WDR3: variants seen among roughly 807,000 people sequenced by gnomAD.
WDR3 encodes the protein WD repeat domain 3.
In WDR3, 81 loss-of-function variants were observed where a neutral mutation model predicts 123.7. The observed-to-expected ratio is 0.65, with a 90% confidence interval of 0.55 to 0.79. The LOEUF (loss-of-function observed/expected upper bound fraction) is 0.79. Ranked by LOEUF, WDR3 falls within the 30% of genes least tolerant of loss-of-function variation. The probability of loss-of-function intolerance (pLI) is 0.00; values close to 1 mark genes in which losing one functional copy is unlikely to be tolerated. For missense variants in WDR3, 1,027 were observed against 1,123.2 expected (o/e 0.91, Z 1.22); for synonymous variants, 390 against 388.8 (o/e 1.00, Z -0.04).
chr1:117,964,143 C>T lies in WDR3; in HGVS notation c.*4696C>T, dbSNP rs991182668. 15 of 486,828 alleles carry T rather than the reference C, an allele frequency of 3.1e-5. 1 individual carries two copies. The highest frequency in any genetic ancestry group is 4.4e-5 in the Non-Finnish European group (12 of 272,730). The allele number at this position is 486,828 out of a possible 1,614,324, so 30.2% of individuals were successfully genotyped here. The stretch of plus-strand genomic sequence containing the variant: ...ATGTCTAGAATGTCTTCTGTTCTCC[C>T]TAGTGTACATTTCTCTCCTAACTGT... On this transcript the variant is annotated 3_prime_UTR_variant, in exon 27 of 27. Coordinates refer to ENST00000349139, the MANE Select transcript of WDR3 (RefSeq NM_006784.3).
Position 117,960,109 on chromosome 1 carries a change from CGTGTGTGTGTGTGTGTGTGTGTGT to C in WDR3, c.*677_*700del, listed in dbSNP as rs3059173. ...TGGGCTTCTGAGGAATTAATACACT[CGTGTGTGTGTGTGTGTGTGTGTGT>C]GTGTGTGTGTGTGTATGTGTATGTG... On this transcript the variant is annotated 3_prime_UTR_variant, in exon 27 of 27. Transcript: ENST00000349139. 2 of 144,406 alleles carry C rather than the reference CGTGTGTGTGTGTGTGTGTGTGTGT, an allele frequency of 1.4e-5. No homozygotes were observed. The highest frequency in any genetic ancestry group is 2.6e-5 in the African/African-American group (1 of 37,902). The allele number at this position is 144,406 out of a possible 1,614,324, so 8.9% of individuals were successfully genotyped here.
At chr1:117,937,704 T>G (rs1224373710) in intron 4 of WDR3, among the ~76,000 whole-genome samples, 1 of 152,158 alleles carries the variant, frequency 6.6e-6, no homozygotes, top group Non-Finnish European at 1.5e-5. Flanking sequence ...TTTTGAGCGG[T>G]GTTTTTTTCC....
rs755845020 is a variant in WDR3, at chr1:117,943,610, A to G, written c.1312A>G (p.Ile438Val). The G allele has an allele frequency of 1.2e-6, 2 of 1,614,120 alleles. No individual in the cohort carries two copies. Among genetic ancestry groups the G allele is most frequent in the South Asian group, 1.1e-5 (1 of 91,082 alleles). ...TGTTCTTTCAGCTGCAGCTGATTCC[A>G]TTAAAATATGGAACAGGTTCGTGAA... ...IAVLSAAADS[I>V]KIWNRSTLQC... Residue 438 changes from isoleucine to valine, a missense_variant, in exon 11 of 27, where the codon ATT becomes GTT. Transcript: ENST00000349139.
chr1:117,941,109 T>C lies in WDR3; in HGVS notation c.790-15T>C. The C allele has an allele frequency of 6.2e-7, 1 of 1,613,872 alleles. No homozygotes were observed. Among genetic ancestry groups the C allele is most frequent in the Non-Finnish European group, 8.5e-7 (1 of 1,179,860 alleles). The stretch of plus-strand genomic sequence containing the variant: ...ACTTACATCTAACCTTCATCTGCTC[T>C]TGCTTCTTCTGTAGCGAATCCTTTC... On this transcript the variant is annotated splice_polypyrimidine_tract_variant and intron_variant, in intron 7 of 26. Coordinates refer to ENST00000349139, the MANE Select transcript of WDR3 (RefSeq NM_006784.3).
Position 117,952,323 on chromosome 1 carries a change from A to G in WDR3, c.1931A>G (p.Lys644Arg), listed in dbSNP as rs749434727. ...GTGATGTACCTACAGTTTGTACCCA[A>G]GTCTCACCTCTTCTTCACTGCCGGA... ...DSVMYLQFVP[K>R]SHLFFTAGKD... Residue 644 changes from lysine (K) to arginine (R), a missense_variant, in exon 18 of 27, where the codon AAG becomes AGG. Transcript: ENST00000349139. 6.2e-7 allele frequency: 1 copy of G among 1,612,880 alleles called. No individual in the cohort carries two copies. The highest frequency in any genetic ancestry group is 1.1e-5 in the South Asian group (1 of 90,866).
rs555392771 is a variant in WDR3 at position 117,950,309 on chromosome 1, A to G, written c.1746+179A>G. 2.0e-5 allele frequency among the ~76,000 whole-genome samples: 3 copies of G among 152,256 alleles called. No homozygotes were observed. In the East Asian group the frequency reaches 5.8e-4, roughly 29 times the overall value. ...GAAGCTAGCATTTTAAAATAATTCTATGGTTCATGAATTTTGTTTAAAGCA... is the reference window on the plus strand; with the variant it reads ...GAAGCTAGCATTTTAAAATAATTCTGTGGTTCATGAATTTTGTTTAAAGCA... On this transcript the variant is annotated intron_variant, in intron 15 of 26. Transcript: ENST00000349139.
At chr1:117,933,046 A>AG (rs2101189848) in intron 1 of WDR3, among the ~76,000 whole-genome samples, 1 of 151,748 alleles carries the variant, frequency 6.6e-6, no homozygotes, top group East Asian at 1.9e-4. Flanking sequence ...AAAAAAAAAA[A>AG]AAAAAAAATT....
At chr1:117,956,814 A>ATT (rs1245682911) in intron 24 of WDR3, among the ~76,000 whole-genome samples, 1 of 152,196 alleles carries the variant, frequency 6.6e-6, no homozygotes, top group East Asian at 1.9e-4. Flanking sequence ...CTTTGGAGAT[A>ATT]TTGTTTATCT....
At chr1:117,945,590 T>A (rs1651352975) in intron 11 of WDR3, among the ~76,000 whole-genome samples, 2 of 152,240 alleles carry the variant, frequency 1.3e-5, no homozygotes, top group African/African-American at 4.8e-5. Context: ...TTAACCTTTA[T>A]GAGATTAGGA....
In WDR3 at chr1:117,943,556, A is replaced by G. The variant is rs763962551; in HGVS notation, c.1258A>G (p.Thr420Ala). Residue 420 changes from threonine (T) to alanine (A), a missense_variant, in exon 11 of 27, where the codon ACT becomes GCT. By Grantham distance (58) the Thr-to-Ala change is moderately conservative (BLOSUM62 0). Transcript: ENST00000349139. Reference protein sequence around the residue: ...TIGGHRSDVRTLSFSSDNIAV... With the variant: ...TIGGHRSDVRALSFSSDNIAV... ...TGGGGGTCATCGCAGTGATGTGCGG[A>G]CTTTGTCATTCAGCTCAGACAATAT... 14 of 1,614,100 alleles carry G rather than the reference A, an allele frequency of 8.7e-6. No homozygotes were observed. Among genetic ancestry groups the G allele is most frequent in the Admixed American group, 1.7e-5 (1 of 60,016 alleles).
rs1653134953 is a variant in WDR3 at position 117,961,766 on chromosome 1, G to A, written c.*2319G>A. ...GTTATTTGTTGGGCAGAATAAATAA[G>A]TGAATTTTGGCATAGAGTTTCTGAA... On this transcript the variant is annotated 3_prime_UTR_variant, in exon 27 of 27. Coordinates refer to ENST00000349139, the MANE Select transcript of WDR3 (RefSeq NM_006784.3). The A allele has an allele frequency of 6.6e-6, 1 of 152,292 alleles. No individual in the cohort carries two copies. The highest frequency in any genetic ancestry group is 1.5e-5 in the Non-Finnish European group (1 of 68,040). 9.4% of individuals were successfully genotyped at this position (152,292 alleles called of 1,614,324 possible).
rs932352283 is a variant in WDR3, at chr1:117,949,918, G to T, written c.1611-77G>T. 5 of 1,610,424 alleles carry T rather than the reference G, an allele frequency of 3.1e-6. No individual in the cohort carries two copies. In the African/African-American group the frequency reaches 6.7e-5, roughly 22 times the overall value. On this transcript the variant is annotated intron_variant, in intron 14 of 26. Transcript: ENST00000349139. Reference sequence around the variant, plus strand: ...GGCCTTTTGACGTCTTATATCATTTGTTGTGCTCTAAAGAGTTAGGATTTG... The same window carrying T: ...GGCCTTTTGACGTCTTATATCATTTTTTGTGCTCTAAAGAGTTAGGATTTG...
At position 117,962,098 on chromosome 1, in the gene WDR3, C is replaced by T. The variant is rs567825246; in HGVS notation, c.*2651C>T. ...CTTATGTTAAAAGTTGCTGTTTTCC[C>T]GTAGCTTTGCCACCATTTATAACTC... On this transcript the variant is annotated 3_prime_UTR_variant, in exon 27 of 27. Coordinates refer to ENST00000349139, the MANE Select transcript of WDR3 (RefSeq NM_006784.3). The T allele has an allele frequency of 2.6e-5, 4 of 151,250 alleles. No homozygotes were observed. Among genetic ancestry groups the T allele is most frequent in the South Asian group, 2.1e-4 (1 of 4,758 alleles). The allele number at this position is 151,250 out of a possible 1,614,324, so 9.4% of individuals were successfully genotyped here.
intron 6 of WDR3, 127 bp from the exon 7 acceptor site, chr1:117,940,700 C>A: frequency 2.4e-6 from 2 of 834,990 alleles, no homozygotes; most frequent in African/African-American, 1.7e-5. Context: ...TGCACTCCAG[C>A]CTGGGCGACA....
rs2101409533 is a variant in WDR3, at chr1:117,964,017, T to C, written c.*4570T>C. The C allele has an allele frequency of 1.2e-5, 18 of 1,476,100 alleles. No individual in the cohort carries two copies. In the South Asian group the frequency reaches 1.6e-4, roughly 13 times the overall value. 91.4% of individuals were successfully genotyped at this position (1,476,100 alleles called of 1,614,324 possible). On this transcript the variant is annotated 3_prime_UTR_variant, in exon 27 of 27. Coordinates refer to ENST00000349139, the MANE Select transcript of WDR3 (RefSeq NM_006784.3). The stretch of plus-strand genomic sequence containing the variant: ...AAACCTAAATAACATTTTAGAATCA[T>C]AGAATTTCTTCTCTGGCAACATCAG...
intron 13 of WDR3, 124 bp from the exon 14 acceptor site, chr1:117,949,627 G>T (rs932319531): frequency 1.8e-6 from 2 of 1,140,522 alleles, no homozygotes; most frequent in African/African-American, 1.6e-5. Flanking sequence ...GGAGAACCAC[G>T]TTTTTCTTAA....
intron 24 of WDR3, among the ~76,000 whole-genome samples, chr1:117,956,575 A>G (rs958070697): frequency 6.6e-6 from 1 of 152,194 alleles, no homozygotes; most frequent in Non-Finnish European, 1.5e-5. Flanking sequence ...ATCCCATTTG[A>G]TATCCTCTTA....
In WDR3 at chr1:117,941,235, A is replaced by G. The variant is rs575316627; in HGVS notation, c.891+10A>G. 2.5e-5 allele frequency: 41 copies of G among 1,613,224 alleles called. No homozygotes were observed. In the East Asian group the frequency reaches 7.8e-4, roughly 31 times the overall value. Reference sequence around the variant, plus strand: ...GATTCTTGCTTGCCATGTGAGTACCATACTTAGGAGAAAATAACAAGGACT... The same window carrying G: ...GATTCTTGCTTGCCATGTGAGTACCGTACTTAGGAGAAAATAACAAGGACT... On this transcript the variant is annotated intron_variant, in intron 8 of 26. Coordinates refer to ENST00000349139, the MANE Select transcript of WDR3 (RefSeq NM_006784.3).
chr1:117,939,616 A>T, intron 6 of WDR3, 44 bp downstream of exon 6: 1 of 1,578,334 alleles, frequency 6.3e-7, no homozygotes. Context: ...TAGAAGTTTC[A>T]TAAGCACCTT....
Sources: gnomAD v4.1 joint callset for allele counts (sites outside exome capture counted in the v4.1 genomes callset) on GRCh38, gnomAD v4.1.1 for gene constraint, MANE v1.5 for transcripts, NCBI Gene and HGNC (gene_info 2026-07-23, HGNC 2026-07-21) for gene names.